Variants in ADGRL2 observed in about 807,000 individuals in gnomAD.
The protein encoded by ADGRL2 is calcium-independent alpha-latrotoxin receptor 2.
ADGRL2 carries 44 observed loss-of-function variants against 157.4 expected under a neutral mutation model. The ratio of observed to expected loss-of-function variants is 0.28; its 90% CI spans 0.22 to 0.36. The LOEUF (loss-of-function observed/expected upper bound fraction) is 0.36, where lower values mean the gene tolerates loss of function less well. Among genes scored for constraint, ADGRL2 ranks in the 10% least tolerant of loss-of-function variants. The probability of loss-of-function intolerance (pLI) is 1.00; values close to 1 mark genes in which losing one functional copy is unlikely to be tolerated. For synonymous variants in ADGRL2, 585 were observed against 624.7 expected, an observed-to-expected ratio of 0.94 and a Z score of 0.95; for missense variants, 1,510 against 1,768.9, an observed-to-expected ratio of 0.85 and a Z score of 2.63.
At chr1:81,627,465 A>G (rs943616568) in intron 3 of ADGRL2, among the ~76,000 whole-genome samples, 3 of 152,162 alleles carry the variant, frequency 2.0e-5, no homozygotes, top group African/African-American at 7.2e-5. Flanking sequence ...TAATACTAAT[A>G]ATAGCTATCA....
chr1:81,572,393 A>G (rs191517792), intron 2 of ADGRL2, among the ~76,000 whole-genome samples: 11 of 152,360 alleles, frequency 7.2e-5, no homozygotes, highest in Non-Finnish European at 1.2e-4. Flanking sequence ...TCTCAAAGAT[A>G]CAATGGAAAA....
At position 81,800,965 on chromosome 1, in the gene ADGRL2, C is replaced by A. The variant is rs2087980585; in HGVS notation, c.-204C>A. Reference sequence around the variant, plus strand: ...GCGCGCGCGTCCCTCGCCGCCACCGCCGCCCGGACAGCCCTGCGGCCGCCC... The same window carrying A: ...GCGCGCGCGTCCCTCGCCGCCACCGACGCCCGGACAGCCCTGCGGCCGCCC... On this transcript the variant is annotated 5_prime_UTR_variant, in exon 1 of 24. Coordinates refer to ENST00000686636, the MANE Select transcript of ADGRL2 (RefSeq NM_001366006.2). 6.7e-6 allele frequency among the ~76,000 whole-genome samples: 1 copy of A among 149,526 alleles called. No homozygotes were observed. The highest frequency in any genetic ancestry group is 2.4e-5 in the African/African-American group (1 of 41,084).
intron 1 of ADGRL2, among the ~76,000 whole-genome samples, chr1:81,812,694 A>G (rs1260843703): frequency 4.0e-5 from 6 of 151,798 alleles, no homozygotes; most frequent in Non-Finnish European, 5.9e-5. Flanking sequence ...AGTGTATTAC[A>G]TTCCTCTACA....
chr1:81,958,684 A>G (rs1217493554), intron 11 of ADGRL2, among the ~76,000 whole-genome samples: 1 of 152,158 alleles, frequency 6.6e-6, no homozygotes, highest in Non-Finnish European at 1.5e-5. Context: ...TTAAGTGTAT[A>G]GTTTGATGGA....
chr1:81,626,441 G>C (rs1299356919), intron 3 of ADGRL2, among the ~76,000 whole-genome samples: 1 of 152,174 alleles, frequency 6.6e-6, no homozygotes, highest in Non-Finnish European at 1.5e-5. Context: ...AAGTAGCTGG[G>C]ATTACAGGCG....
chr1:81,429,119 T>C (rs1346612422), intron 1 of ADGRL2, among the ~76,000 whole-genome samples: 2 of 129,768 alleles, frequency 1.5e-5, no homozygotes, highest in African/African-American at 2.9e-5. Flanking sequence ...GAACTACCCA[T>C]GAGGCATTTC....
At chr1:81,621,907 G>A (rs2081799135) in intron 3 of ADGRL2, among the ~76,000 whole-genome samples, 1 of 152,158 alleles carries the variant, frequency 6.6e-6, no homozygotes, top group Admixed American at 6.5e-5. Context: ...TTCCTCCTCT[G>A]CTCCTGGTTG....
chr1:81,912,868 G>T (rs889355855), intron 3 of ADGRL2, among the ~76,000 whole-genome samples: 1 of 152,102 alleles, frequency 6.6e-6, no homozygotes, highest in Non-Finnish European at 1.5e-5. Flanking sequence ...GCCTTGCCTT[G>T]CATAGACCAG....
At chr1:81,919,091 C>T (rs1451255333) in intron 3 of ADGRL2, among the ~76,000 whole-genome samples, 2 of 151,998 alleles carry the variant, frequency 1.3e-5, no homozygotes, top group Non-Finnish European at 2.9e-5. Context: ...TTGATATGTA[C>T]ATTTTAGGAT....
Position 81,503,020 on chromosome 1 carries a change from C to T in ADGRL2, c.-248+57931C>T, listed in dbSNP as rs561159837. The T allele has an allele frequency of 3.1e-6, 5 of 1,612,914 alleles. No individual in the cohort carries two copies. In the East Asian group the frequency reaches 6.7e-5, roughly 22 times the overall value. On this transcript the variant is annotated intron_variant, in intron 2 of 24. Coordinates refer to the ADGRL2 transcript ENST00000370721. ...GGCTGTGCCCGTGACCTTGGCAAGC[C>T]AGCAGGCTGGTACTCGGACCGCCGC...
intron 1 of ADGRL2, among the ~76,000 whole-genome samples, chr1:81,322,448 T>A (rs192919345): frequency 6.6e-6 from 1 of 152,212 alleles, no homozygotes; most frequent in African/African-American, 2.4e-5. Flanking sequence ...TATACAATTT[T>A]AAATGAGGTT....
chr1:81,936,143 T>C (rs939990582), intron 3 of ADGRL2, among the ~76,000 whole-genome samples: 3 of 151,908 alleles, frequency 2.0e-5, no homozygotes, highest in Non-Finnish European at 4.4e-5. Flanking sequence ...ATGTGGACCA[T>C]AGCATATAAG....
intron 3 of ADGRL2, among the ~76,000 whole-genome samples, chr1:81,686,766 C>T (rs915864919): frequency 2.0e-5 from 3 of 152,102 alleles, no homozygotes; most frequent in Non-Finnish European, 4.4e-5. Context: ...TTGATATAGG[C>T]ATTCAGAGCT....
intron 3 of ADGRL2, among the ~76,000 whole-genome samples, chr1:81,690,318 C>A (rs941555812): frequency 3.3e-5 from 5 of 152,088 alleles, no homozygotes; most frequent in Admixed American, 6.6e-5. Context: ...CATGGCGAAA[C>A]CCCATCTCTA....
At chr1:81,543,537 T>C (rs948644727) in intron 2 of ADGRL2, among the ~76,000 whole-genome samples, 3 of 152,252 alleles carry the variant, frequency 2.0e-5, no homozygotes, top group Admixed American at 6.5e-5. Flanking sequence ...ATATTTTTTC[T>C]ATTTAAAATA....
chr1:81,644,539 G>A (rs1220071217), intron 3 of ADGRL2, among the ~76,000 whole-genome samples: 5 of 152,066 alleles, frequency 3.3e-5, no homozygotes, highest in Admixed American at 2.6e-4. Flanking sequence ...ACACAAACCC[G>A]ATTTAAAAAT....
chr1:81,360,929 T>G (rs1218237606), intron 1 of ADGRL2, among the ~76,000 whole-genome samples: 1 of 151,888 alleles, frequency 6.6e-6, no homozygotes, highest in Non-Finnish European at 1.5e-5. Context: ...TCTTCTGACC[T>G]AGTATCTATG....
intron 3 of ADGRL2, among the ~76,000 whole-genome samples, chr1:81,623,171 A>G (rs1004456286): frequency 6.6e-6 from 1 of 152,204 alleles, no homozygotes; most frequent in Admixed American, 6.5e-5. Context: ...GGAAGAGACT[A>G]TATAAGGGAG....
intron 3 of ADGRL2, among the ~76,000 whole-genome samples, chr1:81,660,904 A>T (rs754817114): frequency 6.6e-6 from 1 of 152,228 alleles, no homozygotes; most frequent in Non-Finnish European, 1.5e-5. Context: ...GGGAACATAG[A>T]AAACATGTAA....
Sources: gnomAD v4.1 joint callset for allele counts (sites outside exome capture counted in the v4.1 genomes callset) on GRCh38, gnomAD v4.1.1 for gene constraint, MANE v1.5 for transcripts, NCBI Gene and HGNC (gene_info 2026-07-23, HGNC 2026-07-21) for gene names.